The following CTNNA3 variants were observed in gnomAD, a reference collection of about 807,000 sequenced individuals.
CTNNA3 encodes catenin alpha 3, also known as catenin alpha-3.
Under a neutral mutation model 95.7 loss-of-function variants are expected in CTNNA3, and 76 were observed. That is an observed-to-expected ratio of 0.79 (90% CI 0.66 to 0.96). CTNNA3 has a LOEUF of 0.96. CTNNA3 is among the 40% of genes least tolerant of loss of function. CTNNA3 has a pLI of 0.00. For synonymous variants in CTNNA3, 431 were observed against 374.4 expected, an observed-to-expected ratio of 1.15 and a Z score of -1.74; for missense variants, 1,191 against 1,089.8, an observed-to-expected ratio of 1.09 and a Z score of -1.31.
intron 5 of CTNNA3, among the ~76,000 whole-genome samples, chr10:67,468,820 A>G (rs534822193): frequency 4.0e-4 from 61 of 152,318 alleles, no homozygotes; most frequent in African/African-American, 1.4e-3. Flanking sequence ...TTGGATTATC[A>G]GGTGACTGAG....
At chr10:66,135,869 T>C (rs980476046) in intron 13 of CTNNA3, among the ~76,000 whole-genome samples, 32 of 152,210 alleles carry the variant, frequency 2.1e-4, no homozygotes, top group African/African-American at 7.2e-4. Context: ...TTATATAATA[T>C]TTACAAATAT....
At chr10:67,364,875 T>C (rs912208656) in intron 5 of CTNNA3, among the ~76,000 whole-genome samples, 2 of 152,156 alleles carry the variant, frequency 1.3e-5, no homozygotes, top group Non-Finnish European at 2.9e-5. Context: ...AAAAACCTAC[T>C]TTAAAATTCA....
chr10:66,605,457 G>A (rs151293114), intron 10 of CTNNA3, among the ~76,000 whole-genome samples: 2 of 152,186 alleles, frequency 1.3e-5, no homozygotes, highest in East Asian at 3.9e-4. Context: ...GAAATGCGAA[G>A]AACCCCAGTA....
intron 3 of CTNNA3, among the ~76,000 whole-genome samples, chr10:67,551,716 G>A (rs12359727): frequency 6.6e-6 from 1 of 152,164 alleles, no homozygotes; most frequent in Non-Finnish European, 1.5e-5. Context: ...CACTGAAGAA[G>A]CGAGCCACAC....
chr10:67,030,446 G>T (rs1443371503), intron 7 of CTNNA3, among the ~76,000 whole-genome samples: 1 of 151,762 alleles, frequency 6.6e-6, no homozygotes, highest in East Asian at 1.9e-4. Context: ...AATTAATCTT[G>T]AACTATATTT....
At chr10:66,814,651 T>C (rs1842007720) in intron 7 of CTNNA3, among the ~76,000 whole-genome samples, 1 of 151,818 alleles carries the variant, frequency 6.6e-6, no homozygotes, top group Non-Finnish European at 1.5e-5. Context: ...GTACTCCCAG[T>C]TATTTGAGGG....
Position 66,711,796 on chromosome 10 carries a change from C to A in CTNNA3, c.1281+54468G>T, listed in dbSNP as rs149063132. Among the ~76,000 whole-genome samples, 244 of 152,160 alleles carry A rather than the reference C, an allele frequency of 1.6e-3. 1 individual carries two copies. The highest frequency in any genetic ancestry group is 5.6e-3 in the African/African-American group (231 of 41,514). ...GGTCTCACCAGGATGGTCTCGAACT[C>A]CTGACCTTGGTGATCTGCTCGTCTC... On this transcript the variant is annotated intron_variant, in intron 9 of 17. Coordinates refer to ENST00000433211, the MANE Select transcript of CTNNA3 (RefSeq NM_013266.4).
chr10:66,199,070 C>T (rs16922596), intron 13 of CTNNA3, among the ~76,000 whole-genome samples: 20,144 of 151,936 alleles, frequency 0.13, 2,084 homozygotes, highest in African/African-American at 0.29. Flanking sequence ...GTTTCCATCA[C>T]GGGAATAATG....
intron 11 of CTNNA3, among the ~76,000 whole-genome samples, chr10:66,432,396 C>T (rs751733635): frequency 2.6e-5 from 4 of 152,130 alleles, no homozygotes; most frequent in South Asian, 2.1e-4. Flanking sequence ...CGGTGGCTCA[C>T]GCCTGTAATC....
rs534293873 is a variant in CTNNA3 at position 66,177,353 on chromosome 10, T to C, written c.1885-74104A>G. ...AAAGTAAGAAAATAATCAGTTTTGA[T>C]TCACTAGGTCCAAAAAATGAGTAGA... On this transcript the variant is annotated intron_variant, in intron 13 of 17. Transcript: ENST00000433211. Among the ~76,000 whole-genome samples, 43 of 152,160 alleles carry C rather than the reference T, an allele frequency of 2.8e-4. No homozygotes were observed. In the South Asian group the frequency reaches 7.5e-3, roughly 26 times the overall value.
intron 10 of CTNNA3, among the ~76,000 whole-genome samples, chr10:66,605,356 A>G (rs1844080876): frequency 1.3e-5 from 2 of 152,128 alleles, no homozygotes; most frequent in Non-Finnish European, 2.9e-5. Flanking sequence ...AAAGAGACAG[A>G]AAGAGTATAA....
rs72791566 is a variant in CTNNA3 at position 66,469,485 on chromosome 10, C to T, written c.1531+51132G>A. ...ATGGAAGTATAGTAGGATATTGGAC[C>T]CTGAAATTGTTTGCAAACTATGTTA... On this transcript the variant is annotated intron_variant, in intron 11 of 17. Transcript: ENST00000433211. Among the ~76,000 whole-genome samples, 1,336 of 151,558 alleles carry T rather than the reference C, an allele frequency of 8.8e-3. 6 individuals carry two copies. The highest frequency in any genetic ancestry group is 0.016 in the Non-Finnish European group (1,061 of 67,790).
At chr10:67,261,995 T>C (rs1866631083) in intron 5 of CTNNA3, among the ~76,000 whole-genome samples, 2 of 152,194 alleles carry the variant, frequency 1.3e-5, no homozygotes, top group Non-Finnish European at 2.9e-5. Context: ...CTATGTATAC[T>C]ATCTCATTTA....
intron 13 of CTNNA3, among the ~76,000 whole-genome samples, chr10:66,266,143 AGAAG>A (rs1023809018): frequency 7.3e-5 from 11 of 150,800 alleles, no homozygotes; most frequent in African/African-American, 2.2e-4. Flanking sequence ...AAGGAAGGAA[AGAAG>A]GAAGGAAGGA....
chr10:67,460,552 A>G (rs893012462), intron 5 of CTNNA3, among the ~76,000 whole-genome samples: 2 of 152,194 alleles, frequency 1.3e-5, no homozygotes, highest in African/African-American at 4.8e-5. Flanking sequence ...CTTATAGATT[A>G]TTATTTCAAA....
intron 12 of CTNNA3, among the ~76,000 whole-genome samples, chr10:66,359,667 C>A (rs1024119812): frequency 2.0e-5 from 3 of 152,094 alleles, no homozygotes; most frequent in Admixed American, 6.5e-5. Flanking sequence ...GTCATCCCCC[C>A]CAAACATTCA....
At chr10:67,640,942 T>C (rs1408155533) in intron 2 of CTNNA3, among the ~76,000 whole-genome samples, 2 of 152,154 alleles carry the variant, frequency 1.3e-5, no homozygotes, top group African/African-American at 4.8e-5. Flanking sequence ...GACATAGGCA[T>C]GGGCAAGGAC....
intron 5 of CTNNA3, among the ~76,000 whole-genome samples, chr10:67,277,779 C>T (rs1193063746): frequency 6.6e-6 from 1 of 152,088 alleles, no homozygotes; most frequent in Admixed American, 6.6e-5. Flanking sequence ...AAAGACACTC[C>T]CACCAGTGTC....
chr10:66,504,894 T>C (rs1840398579), intron 11 of CTNNA3, among the ~76,000 whole-genome samples: 1 of 152,204 alleles, frequency 6.6e-6, no homozygotes, highest in African/African-American at 2.4e-5. Flanking sequence ...AACAGTATAT[T>C]TTATCATTCA....
Sources: gnomAD v4.1 joint callset for allele counts (sites outside exome capture counted in the v4.1 genomes callset) on GRCh38, gnomAD v4.1.1 for gene constraint, MANE v1.5 for transcripts, NCBI Gene and HGNC (gene_info 2026-07-23, HGNC 2026-07-21) for gene names.